CDH13: variants seen among roughly 807,000 people sequenced by gnomAD.
The protein encoded by CDH13 is cadherin-13.
CDH13 carries 24 observed loss-of-function variants against 63.8 expected under a neutral mutation model. That is an observed-to-expected ratio of 0.38 (90% CI 0.27 to 0.53). The LOEUF is 0.53. Among genes scored for constraint, CDH13 ranks in the 20% least tolerant of loss-of-function variants. The pLI is 0.85. For missense variants in CDH13, 1,049 were observed against 903.1 expected (o/e 1.16, Z -2.07); for synonymous variants, 503 against 355.3 (o/e 1.42, Z -4.67).
intron 6 of CDH13, among the ~76,000 whole-genome samples, chr16:83,388,190 A>C (rs1220503606): frequency 6.6e-6 from 1 of 150,884 alleles, no homozygotes; most frequent in Non-Finnish European, 1.5e-5. Flanking sequence ...ATGGTGGCTT[A>C]TGGCTGTGAT....
intron 1 of CDH13, among the ~76,000 whole-genome samples, chr16:82,741,356 C>T (rs564134961): frequency 2.6e-5 from 4 of 152,300 alleles, no homozygotes; most frequent in African/African-American, 7.2e-5. Flanking sequence ...GATGTTTATT[C>T]GTCAGAGCCC....
At chr16:82,882,686 C>A (rs1057255151) in intron 2 of CDH13, among the ~76,000 whole-genome samples, 5 of 151,910 alleles carry the variant, frequency 3.3e-5, no homozygotes, top group African/African-American at 4.8e-5. Context: ...CTCTCCCTTT[C>A]TTCCTTCCTT....
intron 1 of CDH13, among the ~76,000 whole-genome samples, chr16:82,854,445 C>A (rs117364803): frequency 0.019 from 2,907 of 149,792 alleles, 38 homozygotes; most frequent in Non-Finnish European, 0.031. Context: ...AAGACAATAG[C>A]AGTAACTAGA....
chr16:82,862,042 T>A (rs1181107594), intron 2 of CDH13, among the ~76,000 whole-genome samples: 2 of 152,224 alleles, frequency 1.3e-5, no homozygotes, highest in African/African-American at 4.8e-5. Flanking sequence ...AAAGGAGGCA[T>A]CCATTTAAGG....
At chr16:83,794,419 G>A (rs1208808192) in intron 13 of CDH13, among the ~76,000 whole-genome samples, 3 of 151,956 alleles carry the variant, frequency 2.0e-5, no homozygotes, top group South Asian at 2.1e-4. Context: ...CAGGCATGGC[G>A]GTGCATGCCT....
chr16:82,988,732 A>G (rs2151399534), intron 2 of CDH13, among the ~76,000 whole-genome samples: 2 of 150,802 alleles, frequency 1.3e-5, no homozygotes, highest in East Asian at 2.0e-4. Context: ...ACTGCACTCC[A>G]GCCTGGGAGA....
chr16:82,734,056 C>G (rs965929398), intron 1 of CDH13, among the ~76,000 whole-genome samples: 3 of 152,064 alleles, frequency 2.0e-5, no homozygotes, highest in African/African-American at 4.8e-5. Flanking sequence ...AATATTGGAG[C>G]TGGGATTTCA....
At chr16:83,698,371 C>A (rs574134807) in intron 10 of CDH13, among the ~76,000 whole-genome samples, 11 of 152,300 alleles carry the variant, frequency 7.2e-5, no homozygotes, top group African/African-American at 2.6e-4. Flanking sequence ...TAAAAAGATA[C>A]AAGAAACTGC....
At chr16:82,710,552 A>ATATATATATAT (rs1555537841) in intron 1 of CDH13, among the ~76,000 whole-genome samples, 45 of 63,762 alleles carry the variant, frequency 7.1e-4, no homozygotes, top group East Asian at 5.6e-3. Flanking sequence ...AAAAAAAAAA[A>ATATATATATAT]ATATATATAT....
intron 6 of CDH13, among the ~76,000 whole-genome samples, chr16:83,470,975 A>G (rs77097189): frequency 0.025 from 3,808 of 152,194 alleles, 161 homozygotes; most frequent in African/African-American, 0.086. Context: ...TTCTCGGGTC[A>G]CCTGCACTCC....
intron 10 of CDH13, among the ~76,000 whole-genome samples, chr16:83,724,384 GGTGATGAATGCATGGGTGA>G (rs1469665134): frequency 1.3e-5 from 2 of 148,314 alleles, no homozygotes; most frequent in East Asian, 2.0e-4. Flanking sequence ...TGCATGGGTG[GGTGATGAATGCATGGGTGA>G]GTGATGAATG....
intron 6 of CDH13, chr16:83,397,601 C>T (rs1313335209): frequency 6.6e-6 from 1 of 152,120 alleles, no homozygotes; most frequent in African/African-American, 2.4e-5. Context: ...TGATATCACC[C>T]CAATACTTAG....
At chr16:83,606,928 G>A (rs1006056769) in intron 8 of CDH13, among the ~76,000 whole-genome samples, 9 of 151,844 alleles carry the variant, frequency 5.9e-5, no homozygotes, top group East Asian at 5.8e-4. Context: ...AAGGAGAACC[G>A]GCCACCTGAG....
intron 1 of CDH13, among the ~76,000 whole-genome samples, chr16:82,737,929 C>T (rs192857835): frequency 2.6e-5 from 4 of 152,304 alleles, no homozygotes; most frequent in African/African-American, 4.8e-5. Context: ...CACCTCCAAA[C>T]GTTTCCTTAT....
intron 1 of CDH13, among the ~76,000 whole-genome samples, chr16:82,660,948 C>A (rs1911870369): frequency 6.7e-6 from 1 of 150,048 alleles, no homozygotes; most frequent in Non-Finnish European, 1.5e-5. Flanking sequence ...AAAAAAAAAA[C>A]TATTAAGTTC....
At chr16:83,093,013 A>T (rs959098689) in intron 3 of CDH13, among the ~76,000 whole-genome samples, 7 of 152,236 alleles carry the variant, frequency 4.6e-5, no homozygotes, top group Non-Finnish European at 8.8e-5. Context: ...AAATGTGAGC[A>T]CAGAGATGGT....
intron 7 of CDH13, among the ~76,000 whole-genome samples, chr16:83,563,554 G>C (rs888609033): frequency 2.0e-5 from 3 of 152,170 alleles, no homozygotes; most frequent in African/African-American, 7.2e-5. Flanking sequence ...CAGTTATCCT[G>C]TCCTTACTGT....
chr16:82,987,645 A>G (rs982772724), intron 2 of CDH13, among the ~76,000 whole-genome samples: 1 of 152,158 alleles, frequency 6.6e-6, no homozygotes, highest in Non-Finnish European at 1.5e-5. Flanking sequence ...CCAAAGTGGT[A>G]GGATTACAGG....
chr16:83,307,160 A>C (rs1337340792), intron 5 of CDH13, among the ~76,000 whole-genome samples: 2 of 152,166 alleles, frequency 1.3e-5, no homozygotes, highest in African/African-American at 2.4e-5. Context: ...TGTCCTGGGA[A>C]TGTAAGTGGT....
Sources: gnomAD v4.1 joint callset for allele counts (sites outside exome capture counted in the v4.1 genomes callset) on GRCh38, gnomAD v4.1.1 for gene constraint, MANE v1.5 for transcripts, NCBI Gene and HGNC (gene_info 2026-07-23, HGNC 2026-07-21) for gene names.